The following VCAN variants were observed in gnomAD, a reference collection of about 807,000 sequenced individuals.
The protein encoded by VCAN is versican, also known as versican core protein.
Under a neutral mutation model 245.5 loss-of-function variants are expected in VCAN, and 44 were observed. The ratio of observed to expected loss-of-function variants is 0.18; its 90% CI spans 0.14 to 0.23. The LOEUF (loss-of-function observed/expected upper bound fraction) is 0.23. Among genes scored for constraint, VCAN ranks in the 10% least tolerant of loss-of-function variants. VCAN has a pLI of 1.00. For missense variants in VCAN, 3,793 were observed against 4,057.9 expected (o/e 0.93, Z 1.77); for synonymous variants, 1,413 against 1,437.0 (o/e 0.98, Z 0.38).
In VCAN at chr5:83,540,993, G is replaced by A. The variant is rs768723294; in HGVS notation, c.7990G>A (p.Asp2664Asn). The A allele has an allele frequency of 1.9e-6, 3 of 1,614,100 alleles. No individual in the cohort carries two copies. Among genetic ancestry groups the A allele is most frequent in the South Asian group, 1.1e-5 (1 of 91,082 alleles). ...GACTTATGAAGATAGAAGCCAACTA[G>A]ATCACATGGGCTTTCACTTCACAAC... ...SMTYEDRSQL[D>N]HMGFHFTTGI... Residue 2664 changes from aspartate to asparagine, a missense_variant, in exon 8 of 15, where the codon GAT becomes AAT. This residue lies in a region of VCAN where 3,182 missense variants were observed against 3,250.3 expected (regional missense o/e 0.98). Transcript: ENST00000265077.
chr5:83,580,051 A>T lies in VCAN; in HGVS notation c.9952A>T (p.Asn3318Tyr). The T allele has an allele frequency of 1.2e-6, 2 of 1,614,156 alleles. No homozygotes were observed. Among genetic ancestry groups the T allele is most frequent in the Non-Finnish European group, 1.7e-6 (2 of 1,179,998 alleles). Reference sequence around the variant, plus strand: ...AAAGATGAAACCTCGTTATGAAATCAACTCCCTGATTAGATACCACTGCAA... The same window carrying T: ...AAAGATGAAACCTCGTTATGAAATCTACTCCCTGATTAGATACCACTGCAA... The part of the protein sequence containing the change: ...FGKMKPRYEI[N>Y]SLIRYHCKDG... Residue 3318 changes from asparagine (N) to tyrosine (Y), a missense_variant, in exon 14 of 15, where the codon AAC (asparagine) becomes TAC (tyrosine). Transcript: ENST00000265077.
intron 12 of VCAN, among the ~76,000 whole-genome samples, chr5:83,571,058 G>A (rs1482601471): frequency 6.6e-6 from 1 of 152,056 alleles, no homozygotes; most frequent in Non-Finnish European, 1.5e-5. Flanking sequence ...TGTATTTCTA[G>A]CATATTTTGG....
chr5:83,512,113 C>T lies in VCAN; in HGVS notation c.759C>T (p.Phe253=). 1.2e-6 allele frequency: 2 copies of T among 1,614,108 alleles called. No homozygotes were observed. Among genetic ancestry groups the T allele is most frequent in the Non-Finnish European group, 8.5e-7 (1 of 1,180,034 alleles). The change falls in exon 6 of 15, where the codon TTC becomes TTT. Residue 253 remains phenylalanine (F), a synonymous_variant. Coordinates refer to ENST00000265077, the MANE Select transcript of VCAN (RefSeq NM_004385.5). Reference sequence around the variant, plus strand: ...TTCTTTTTTTTCCAGGTGATGTGTTCCACCTCACTGTCCCCAGTAAATTCA... The same window carrying T: ...TTCTTTTTTTTCCAGGTGATGTGTTTCACCTCACTGTCCCCAGTAAATTCA... ...CYVDHLDGDV[F]HLTVPSKFTF...
At chr5:83,479,982 G>C (rs1744558262) in intron 1 of VCAN, among the ~76,000 whole-genome samples, 1 of 152,176 alleles carries the variant, frequency 6.6e-6, no homozygotes, top group Non-Finnish European at 1.5e-5. Context: ...TGAGCACACA[G>C]ACTTAAGGGG....
At chr5:83,571,426 T>C (rs1748285578) in intron 12 of VCAN, among the ~76,000 whole-genome samples, 1 of 152,156 alleles carries the variant, frequency 6.6e-6, no homozygotes, top group African/African-American at 2.4e-5. Context: ...TTATGCTGCA[T>C]TGTTGTAAGA....
rs146409842 is a variant in VCAN, at chr5:83,570,789, TGGGAGTA to T, written c.9736-1626_9736-1620del. On this transcript the variant is annotated intron_variant, in intron 12 of 14. Coordinates refer to ENST00000265077, the MANE Select transcript of VCAN (RefSeq NM_004385.5). ...GACTTAAAAATAGTGATAGTACTGT[TGGGAGTA>T]AGTAGGTAGTAGAGTAATTGGACCT... Among the ~76,000 whole-genome samples, 434 of 151,564 alleles carry T rather than the reference TGGGAGTA, an allele frequency of 2.9e-3. 2 individuals carry two copies. The East Asian group carries it at 0.029, about 10-fold the overall frequency.
intron 6 of VCAN, 192 bp downstream of exon 6, chr5:83,512,588 C>G (rs1238028023): frequency 4.2e-6 from 3 of 721,282 alleles, no homozygotes; most frequent in East Asian, 5.6e-5. Flanking sequence ...GGAATTTTGG[C>G]AAATGGATTT....
At chr5:83,497,475 G>T (rs963832486) in intron 5 of VCAN, among the ~76,000 whole-genome samples, 1 of 151,902 alleles carries the variant, frequency 6.6e-6, no homozygotes, top group Non-Finnish European at 1.5e-5. Flanking sequence ...AACCTATTAA[G>T]TTTTAAAGAG....
chr5:83,506,335 G>C (rs998028097), intron 5 of VCAN, among the ~76,000 whole-genome samples: 13 of 152,104 alleles, frequency 8.5e-5, no homozygotes, highest in African/African-American at 3.1e-4. Context: ...GAATGCTTTG[G>C]TGCTTAGAAA....
At chr5:83,533,067 A>G (rs987502010) in intron 7 of VCAN, among the ~76,000 whole-genome samples, 10 of 152,158 alleles carry the variant, frequency 6.6e-5, no homozygotes, top group Non-Finnish European at 1.3e-4. Context: ...CAAATACACA[A>G]TAGAGTTTAT....
At chr5:83,550,159 C>T (rs1747404871) in intron 10 of VCAN, among the ~76,000 whole-genome samples, 1 of 152,186 alleles carries the variant, frequency 6.6e-6, no homozygotes, top group African/African-American at 2.4e-5. Context: ...GGAGGATGGG[C>T]ACTTTCTTAG....
chr5:83,512,077 C>A, intron 5 of VCAN, 26 bp from the exon 6 acceptor site: 1 of 1,613,314 alleles, frequency 6.2e-7, no homozygotes. Flanking sequence ...AAACTTTGGG[C>A]TTTTTTTCCC....
In VCAN at chr5:83,498,128, C is replaced by T. The variant is rs139553814; in HGVS notation, c.748+4197C>T. Among the ~76,000 whole-genome samples, 7 of 152,226 alleles carry T rather than the reference C, an allele frequency of 4.6e-5. No individual in the cohort carries two copies. In the East Asian group the frequency reaches 1.4e-3, roughly 29 times the overall value. On this transcript the variant is annotated intron_variant, in intron 5 of 14. Transcript: ENST00000265077. ...TAACTACTACCCTACTATTCCAATT[C>T]TCTGTTTTTTTACACAAGCTTCCAG... is the stretch of plus-strand genomic sequence containing the variant.
At chr5:83,483,004 A>G (rs938464593) in intron 1 of VCAN, among the ~76,000 whole-genome samples, 3 of 152,226 alleles carry the variant, frequency 2.0e-5, no homozygotes, top group African/African-American at 7.2e-5. Context: ...TATTATGTGC[A>G]TGAACCACCA....
rs1561230047 is a variant in VCAN at position 83,493,734 on chromosome 5, G to A, written c.620+14G>A. 6.2e-7 allele frequency: 1 copy of A among 1,614,086 alleles called. No individual in the cohort carries two copies. Among genetic ancestry groups the A allele is most frequent in the Non-Finnish European group, 8.5e-7 (1 of 1,180,014 alleles). On this transcript the variant is annotated intron_variant, in intron 4 of 14. Coordinates refer to ENST00000265077, the MANE Select transcript of VCAN (RefSeq NM_004385.5). ...TCAGACTGTCAGGTAAGAGGTCTGG[G>A]GGCCACAGGCTTCATTATTAACTTG...
chr5:83,544,567 T>A (rs1747131682), intron 8 of VCAN, among the ~76,000 whole-genome samples: 1 of 152,184 alleles, frequency 6.6e-6, no homozygotes, highest in South Asian at 2.1e-4. Context: ...ATGGGTGTAT[T>A]CCATAGATAA....
chr5:83,472,923 C>T (rs1433989816), intron 1 of VCAN, among the ~76,000 whole-genome samples: 3 of 152,194 alleles, frequency 2.0e-5, no homozygotes, highest in African/African-American at 4.8e-5. Context: ...AACAAGCAAA[C>T]CGGCACCCAG....
Position 83,490,186 on chromosome 5 carries a change from A to C in VCAN, c.159A>C (p.Pro53=), listed in dbSNP as rs1744932735. ...ATTTTTCAACGATGCCTACTTTGCC[A>C]CCCAGTTACAACACCAGTGAATTTC... The part of the protein sequence containing the change: ...PCHFSTMPTL[P]PSYNTSEFLR... Residue 53 remains proline (P), a synonymous_variant, in exon 3 of 15, where the codon CCA becomes CCC. Coordinates refer to ENST00000265077, the MANE Select transcript of VCAN (RefSeq NM_004385.5). 1 of 1,614,030 alleles carries C rather than the reference A, an allele frequency of 6.2e-7. No homozygotes were observed. Among genetic ancestry groups the C allele is most frequent in the Non-Finnish European group, 8.5e-7 (1 of 1,180,038 alleles).
intron 12 of VCAN, among the ~76,000 whole-genome samples, chr5:83,560,728 C>A (rs1484175306): frequency 6.6e-6 from 1 of 152,126 alleles, no homozygotes; most frequent in South Asian, 2.1e-4. Flanking sequence ...GGTTTAAAAT[C>A]AAATTGTGGA....
Sources: gnomAD v4.1 joint callset for allele counts (sites outside exome capture counted in the v4.1 genomes callset) on GRCh38, gnomAD v4.1.1 for gene constraint, gnomAD v4.1.1 regional missense constraint, MANE v1.5 for transcripts, NCBI Gene and HGNC (gene_info 2026-07-23, HGNC 2026-07-21) for gene names.